The following CRIM1 variants were observed in gnomAD, a reference collection of about 807,000 sequenced individuals.
CRIM1 encodes cysteine rich transmembrane BMP regulator 1.
In CRIM1, 32 loss-of-function variants were observed where a neutral mutation model predicts 116.4. That is an observed-to-expected ratio of 0.27 (90% CI 0.21 to 0.37). The LOEUF is 0.37. CRIM1 is among the 10% of genes least tolerant of loss of function. The pLI is 1.00. For missense variants in CRIM1, 1,331 were observed against 1,354.8 expected (o/e 0.98, Z 0.28); for synonymous variants, 590 against 509.2 (o/e 1.16, Z -2.13).
chr2:36,533,128 C>G (rs1182598747), intron 13 of CRIM1, among the ~76,000 whole-genome samples: 1 of 152,034 alleles, frequency 6.6e-6, no homozygotes, highest in East Asian at 1.9e-4. Flanking sequence ...TGCTGTTTCC[C>G]CCAAAAGACT....
chr2:36,528,961 G>A (rs539016029), intron 13 of CRIM1, among the ~76,000 whole-genome samples: 13 of 152,210 alleles, frequency 8.5e-5, no homozygotes, highest in South Asian at 8.3e-4. Flanking sequence ...CCAGGCCCCC[G>A]GCTGTGTAAA....
intron 4 of CRIM1, among the ~76,000 whole-genome samples, chr2:36,447,559 G>A (rs1292819498): frequency 6.6e-6 from 1 of 152,182 alleles, no homozygotes; most frequent in Non-Finnish European, 1.5e-5. Context: ...GGGATGGCTG[G>A]AAAGACCCCT....
intron 5 of CRIM1, among the ~76,000 whole-genome samples, chr2:36,466,004 G>C (rs937380639): frequency 6.6e-6 from 1 of 151,314 alleles, no homozygotes; most frequent in Non-Finnish European, 1.5e-5. Flanking sequence ...TCCTACCTCA[G>C]CCTCCCAAGT....
intron 2 of CRIM1, among the ~76,000 whole-genome samples, chr2:36,417,242 C>T (rs1311832428): frequency 6.6e-6 from 1 of 152,136 alleles, no homozygotes; most frequent in Non-Finnish European, 1.5e-5. Context: ...TTCTCTCTTC[C>T]CCTACTGTCT....
At chr2:36,537,302 G>A (rs370639181) in intron 13 of CRIM1, 50 bp from the exon 14 acceptor site, 24 of 1,514,294 alleles carry the variant, frequency 1.6e-5, no homozygotes, top group Middle Eastern at 1.7e-4. Flanking sequence ...TAATAAGATC[G>A]TGTGCGTTGT....
At chr2:36,358,539 C>T (rs1669007462) in intron 1 of CRIM1, among the ~76,000 whole-genome samples, 1 of 152,192 alleles carries the variant, frequency 6.6e-6, no homozygotes, top group Non-Finnish European at 1.5e-5. Context: ...TATCCCATGT[C>T]ACAGTATAGA....
chr2:36,485,746 G>T (rs528642098), intron 7 of CRIM1, among the ~76,000 whole-genome samples: 1 of 152,150 alleles, frequency 6.6e-6, no homozygotes, highest in Non-Finnish European at 1.5e-5. Flanking sequence ...TAACATTCTG[G>T]TACATAACAG....
At chr2:36,457,062 G>C (rs1677193911) in intron 4 of CRIM1, among the ~76,000 whole-genome samples, 1 of 152,178 alleles carries the variant, frequency 6.6e-6, no homozygotes, top group Non-Finnish European at 1.5e-5. Context: ...CGAGGAGGAA[G>C]CTAGGAAGAG....
In CRIM1 at chr2:36,396,625, A is replaced by G. The variant is rs1002981740; in HGVS notation, c.343A>G (p.Thr115Ala). 1 of 1,603,024 alleles carries G rather than the reference A, an allele frequency of 6.2e-7. No individual in the cohort carries two copies. The highest frequency in any genetic ancestry group is 8.5e-7 in the Non-Finnish European group (1 of 1,171,336). The stretch of plus-strand genomic sequence containing the variant: ...TAATTGTTTTACAGATGAGAACTGG[A>G]CTGATGACCAACTGCTTGGTTTTAA... ...EAGVCEDENW[T>A]DDQLLGFKPC... The change falls in exon 2 of 17, where the codon ACT becomes GCT. Residue 115 changes from threonine (T) to alanine (A), a missense_variant. By Grantham distance (58) the Thr-to-Ala change is moderately conservative. Around this residue, in one of 3 missense-constraint regions of CRIM1, gnomAD observed 690 missense variants for 676.0 expected, o/e 1.02. Transcript: ENST00000280527.
chr2:36,497,008 T>C (rs189363477), intron 7 of CRIM1, among the ~76,000 whole-genome samples: 4 of 152,316 alleles, frequency 2.6e-5, no homozygotes, highest in African/African-American at 7.2e-5. Flanking sequence ...TCCCTAAAAT[T>C]CACTGCTGCT....
intron 7 of CRIM1, among the ~76,000 whole-genome samples, chr2:36,494,609 A>G (rs1409224961): frequency 1.3e-5 from 2 of 152,174 alleles, no homozygotes; most frequent in Non-Finnish European, 2.9e-5. Flanking sequence ...GGTCTCTAAA[A>G]ATCGTTCAAG....
At chr2:36,439,044 A>G (rs1047377874) in intron 2 of CRIM1, among the ~76,000 whole-genome samples, 4 of 152,166 alleles carry the variant, frequency 2.6e-5, no homozygotes, top group African/African-American at 9.7e-5. Context: ...TGCTTATTGG[A>G]TATTGGCATG....
intron 7 of CRIM1, among the ~76,000 whole-genome samples, chr2:36,490,479 A>T (rs1680150841): frequency 6.6e-6 from 1 of 152,088 alleles, no homozygotes; most frequent in African/African-American, 2.4e-5. Flanking sequence ...AGAAGACGGG[A>T]TGAGAAAAAT....
chr2:36,399,751 T>C (rs1260387339), intron 2 of CRIM1, among the ~76,000 whole-genome samples: 2 of 152,168 alleles, frequency 1.3e-5, no homozygotes, highest in East Asian at 1.9e-4. Context: ...GAGCAAAGAC[T>C]TTAAGGAATA....
rs190853012 is a variant in CRIM1 at position 36,550,041 on chromosome 2, A to G, written c.*1340A>G. 0.016 allele frequency: 2,304 copies of G among 146,600 alleles called. 21 individuals carry two copies. The highest frequency in any genetic ancestry group is 0.045 in the Middle Eastern group (13 of 288). The allele number at this position is 146,600 out of a possible 1,614,324, so 9.1% of individuals were successfully genotyped here. A position where few individuals can be genotyped will look rare whatever the true frequency, so the allele number is the denominator to read the frequency against. On this transcript the variant is annotated 3_prime_UTR_variant, in exon 17 of 17. Coordinates refer to ENST00000280527, the MANE Select transcript of CRIM1 (RefSeq NM_016441.3). ...GAAAGATGTGTGTGTGAGAGTATGTATGTGTGTGTGTGTGTGTGTGTGTGT... is the reference window on the plus strand; with the variant it reads ...GAAAGATGTGTGTGTGAGAGTATGTGTGTGTGTGTGTGTGTGTGTGTGTGT...
chr2:36,409,389 T>A (rs1382254670), intron 2 of CRIM1, among the ~76,000 whole-genome samples: 1 of 152,224 alleles, frequency 6.6e-6, no homozygotes, highest in Non-Finnish European at 1.5e-5. Flanking sequence ...CACATTTTAA[T>A]CTTAATTGTG....
chr2:36,393,507 T>C (rs748981555), intron 1 of CRIM1, among the ~76,000 whole-genome samples: 1 of 152,082 alleles, frequency 6.6e-6, no homozygotes, highest in Non-Finnish European at 1.5e-5. Context: ...ATAATACATA[T>C]ATATACATGT....
intron 1 of CRIM1, among the ~76,000 whole-genome samples, chr2:36,395,936 T>C (rs189069750): frequency 1.3e-5 from 2 of 152,154 alleles, no homozygotes; most frequent in African/African-American, 2.4e-5. Flanking sequence ...AGTAAAAAAT[T>C]AGCTTTTTAA....
intron 13 of CRIM1, among the ~76,000 whole-genome samples, chr2:36,529,981 C>T (rs1269307023): frequency 6.6e-6 from 1 of 152,006 alleles, no homozygotes; most frequent in African/African-American, 2.4e-5. Context: ...AGGAGTCAGC[C>T]GACATGACAG....
Sources: allele counts gnomAD v4.1 joint callset (sites outside exome capture counted in the v4.1 genomes callset), GRCh38; gene constraint gnomAD v4.1.1; regional missense constraint gnomAD v4.1.1; transcripts MANE v1.5; gene names NCBI Gene and HGNC (gene_info 2026-07-23, HGNC 2026-07-21).